The following MLLT6 variants were observed in gnomAD, a reference collection of about 807,000 sequenced individuals.
MLLT6 encodes MLLT6, PHD finger containing.
A neutral mutation model predicts 103.0 loss-of-function variants in MLLT6; 22 were observed. The ratio of observed to expected loss-of-function variants is 0.21; its 90% confidence interval spans 0.15 to 0.31. The LOEUF (loss-of-function observed/expected upper bound fraction) is 0.31. Ranked by LOEUF, MLLT6 falls within the 10% of genes least tolerant of loss-of-function variation. MLLT6 has a pLI of 1.00. For synonymous variants in MLLT6, 606 were observed against 623.5 expected (o/e 0.97, Z 0.42); for missense variants, 1,199 against 1,441.7 (o/e 0.83, Z 2.73).
At chr17:38,722,534 G>A (rs560660383) in intron 17 of MLLT6, 144 bp from the exon 18 acceptor site, 39 of 643,474 alleles carry the variant, frequency 6.1e-5, no homozygotes, top group African/African-American at 3.6e-5. Flanking sequence ...CTATGAGCAC[G>A]GTGCTCTAAG....
intron 10 of MLLT6, 80 bp from the exon 11 acceptor site, chr17:38,717,351 GA>G (rs1249776694): frequency 3.4e-6 from 4 of 1,162,810 alleles, no homozygotes; most frequent in African/African-American, 1.5e-5. Flanking sequence ...TCGAGCTGGG[GA>G]GGGGCTGTCA....
chr17:38,706,558 C>T (rs1174864200), intron 1 of MLLT6: 1 of 172,896 alleles, frequency 5.8e-6, no homozygotes, highest in Non-Finnish European at 1.2e-5. Flanking sequence ...CTCACTGGCC[C>T]TTTAAGAAAT....
rs768688692 is a variant in MLLT6 at position 38,719,655 on chromosome 17, C to A, written c.2009+72C>A. The A allele has an allele frequency of 1.9e-6, 3 of 1,565,326 alleles. 1 individual carries two copies. In the South Asian group the frequency reaches 3.6e-5, roughly 19 times the overall value. On this transcript the variant is annotated intron_variant, in intron 13 of 19. Transcript: ENST00000621332. The stretch of plus-strand genomic sequence containing the variant: ...ACCCGAGGGAGGAGGGACGGAGAGA[C>A]CGGCGTGGGCTGGAACCCCTGGGGG...
At position 38,729,183 on chromosome 17, in the gene MLLT6, T is replaced by C; in HGVS notation, c.*3585T>C. On this transcript the variant is annotated 3_prime_UTR_variant, in exon 20 of 20. Transcript: ENST00000621332. Reference sequence around the variant, plus strand: ...AAAGGCACAGGCTCCCCCTGCCAGCTTCTAGGATCTTCCTTGGTGTGCAAT... The same window carrying C: ...AAAGGCACAGGCTCCCCCTGCCAGCCTCTAGGATCTTCCTTGGTGTGCAAT... The C allele has an allele frequency of 4.3e-6, 1 of 233,328 alleles. No individual in the cohort carries two copies. Among genetic ancestry groups the C allele is most frequent in the Non-Finnish European group, 8.5e-6 (1 of 118,062 alleles). The allele number at this position is 233,328 out of a possible 1,614,324, so 14.5% of individuals were successfully genotyped here.
At chr17:38,712,651 A>T in intron 7 of MLLT6, 40 bp from the exon 8 acceptor site, 1 of 1,350,134 alleles carries the variant, frequency 7.4e-7, no homozygotes, top group Non-Finnish European at 1.1e-6. Context: ...TCGCCCAGAC[A>T]GCCCCCCAGC....
Position 38,720,512 on chromosome 17 carries a change from G to A in MLLT6, c.2296G>A (p.Ala766Thr). ...QLSVPFPALPAALPAANGPVP... is the reference protein window; with the variant it reads ...QLSVPFPALPTALPAANGPVP... Reference sequence around the variant, plus strand: ...CTCTGTGCCCTTCCCTGCCCTGCCTGCTGCCCTGCCTGCCGCCAACGGCCC... The same window carrying A: ...CTCTGTGCCCTTCCCTGCCCTGCCTACTGCCCTGCCTGCCGCCAACGGCCC... The change falls in exon 15 of 20, where the codon GCT (alanine) becomes ACT (threonine). Residue 766 changes from alanine (A) to threonine (T), a missense_variant. Physicochemically the swap from Ala to Thr is moderately conservative, Grantham distance 58 (BLOSUM62 0). Transcript: ENST00000621332. 1 of 1,612,228 alleles carries A rather than the reference G, an allele frequency of 6.2e-7. No homozygotes were observed. Among genetic ancestry groups the A allele is most frequent in the Non-Finnish European group, 8.5e-7 (1 of 1,179,624 alleles).
chr17:38,725,510 G>A (rs1905976871), intron 19 of MLLT6, 47 bp from the exon 20 acceptor site: 1 of 1,576,024 alleles, frequency 6.3e-7, no homozygotes, highest in Non-Finnish European at 8.7e-7. Context: ...CTGGGGGTTA[G>A]GACCTGACAC....
At position 38,716,763 on chromosome 17, in the gene MLLT6, C is replaced by T. The variant is rs1234125648; in HGVS notation, c.1433C>T (p.Pro478Leu). 1 of 1,609,314 alleles carries T rather than the reference C, an allele frequency of 6.2e-7. No homozygotes were observed. The highest frequency in any genetic ancestry group is 1.7e-5 in the Admixed American group (1 of 59,170). ...GCCAGCAAGAGGAGCCGCCATGGGCCAGGCCGTCCCAAGGGCAGCCGGAAC... is the reference window on the plus strand; with the variant it reads ...GCCAGCAAGAGGAGCCGCCATGGGCTAGGCCGTCCCAAGGGCAGCCGGAAC... ...HKASKRSRHG[P>L]GRPKGSRNKE... Residue 478 changes from proline (P) to leucine (L), a missense_variant, in exon 10 of 20, where the codon CCA becomes CTA. Pro to Leu is a moderately conservative substitution (Grantham distance 98). Around this residue, in one of 7 missense-constraint regions of MLLT6, gnomAD observed 1,034 missense variants for 1,091.5 expected, o/e 0.95. Transcript: ENST00000621332. This position sits in a 1 kb window ranked among gnomAD's most constrained non-coding sequence, Gnocchi z 5.6.
Position 38,705,441 on chromosome 17 carries a change from A to C in MLLT6, c.-192A>C. 4.9e-6 allele frequency: 2 copies of C among 404,078 alleles called. No homozygotes were observed. The highest frequency in any genetic ancestry group is 4.5e-6 in the Non-Finnish European group (1 of 221,980). The allele number at this position is 404,078 out of a possible 1,614,324, so 25.0% of individuals were successfully genotyped here. On this transcript the variant is annotated 5_prime_UTR_variant, in exon 1 of 20. Coordinates refer to ENST00000621332, the MANE Select transcript of MLLT6 (RefSeq NM_005937.4). ...CACGGCGGGGGGGGCGGCCAGACAG[A>C]GCGAGCGAGGAGGAGGAGGAGGAGG...
In MLLT6 at chr17:38,727,220, C is replaced by G. The variant is rs1482852041; in HGVS notation, c.*1622C>G. 1 of 227,174 alleles carries G rather than the reference C, an allele frequency of 4.4e-6. No individual in the cohort carries two copies. Among genetic ancestry groups the G allele is most frequent in the Admixed American group, 5.8e-5 (1 of 17,224 alleles). 14.1% of individuals were successfully genotyped at this position (227,174 alleles called of 1,614,324 possible). A position where few individuals can be genotyped will look rare whatever the true frequency, so the allele number is the denominator to read the frequency against. On this transcript the variant is annotated 3_prime_UTR_variant, in exon 20 of 20. Transcript: ENST00000621332. Reference sequence around the variant, plus strand: ...TAGTGCAGATATATTTTTGCCTGTGCTGCTCAACTGTTTTTTTTTTCTGAT... The same window carrying G: ...TAGTGCAGATATATTTTTGCCTGTGGTGCTCAACTGTTTTTTTTTTCTGAT...
chr17:38,725,007 C>A, intron 19 of MLLT6, 31 bp downstream of exon 19: 2 of 1,399,572 alleles, frequency 1.4e-6, no homozygotes, highest in Non-Finnish European at 1.9e-6. Context: ...CTTCCTGCCT[C>A]CCCTCTGAGG....
At position 38,711,977 on chromosome 17, in the gene MLLT6, A is replaced by G. The variant is rs769052102; in HGVS notation, c.683A>G (p.Glu228Gly). The change falls in exon 7 of 20, where the codon GAG becomes GGG. Residue 228 changes from glutamate to glycine, a missense_variant. By Grantham distance (98) the Glu-to-Gly change is moderately conservative. Around this residue, in one of 7 missense-constraint regions of MLLT6, gnomAD observed 1,034 missense variants for 1,091.5 expected, o/e 0.95. Coordinates refer to ENST00000621332, the MANE Select transcript of MLLT6 (RefSeq NM_005937.4). ...SRSASPSTQQ[E>G]KHPTHHERGQ... ...TCAGCCTCACCATCCACGCAGCAGG[A>G]GAAGCACCCCACCCACCACGAGAGG... 1 of 1,606,108 alleles carries G rather than the reference A, an allele frequency of 6.2e-7. No individual in the cohort carries two copies. Among genetic ancestry groups the G allele is most frequent in the Non-Finnish European group, 8.5e-7 (1 of 1,175,432 alleles).
chr17:38,716,739 C>T lies in MLLT6; in HGVS notation c.1409C>T (p.Ala470Val), dbSNP rs376162450. The change falls in exon 10 of 20, where the codon GCC becomes GTC. Residue 470 changes from alanine (A) to valine (V), a missense_variant. Transcript: ENST00000621332. The surrounding 1 kb of genome is among the most constrained non-coding windows in gnomAD (Gnocchi z 5.6). Reference sequence around the variant, plus strand: ...GGCCTGAAGGAGAAGAAGCACAAAGCCAGCAAGAGGAGCCGCCATGGGCCA... The same window carrying T: ...GGCCTGAAGGAGAAGAAGCACAAAGTCAGCAAGAGGAGCCGCCATGGGCCA... ...ETGLKEKKHK[A>V]SKRSRHGPGR... The T allele has an allele frequency of 3.7e-6, 6 of 1,608,838 alleles. No homozygotes were observed. Among genetic ancestry groups the T allele is most frequent in the Non-Finnish European group, 4.2e-6 (5 of 1,177,906 alleles).
rs758989161 is a variant in MLLT6 at position 38,705,620 on chromosome 17, AG to A, written c.-12del. The A allele has an allele frequency of 9.3e-7, 1 of 1,070,968 alleles. No homozygotes were observed. Among genetic ancestry groups the A allele is most frequent in the South Asian group, 1.3e-5 (1 of 75,830 alleles). The allele number at this position is 1,070,968 out of a possible 1,614,324, so 66.3% of individuals were successfully genotyped here. ...GGCCCCCCGCCCCAGCCCCGGAGGGAGCTCATGGGAGTATGAAGGAGATGGT... is the reference window on the plus strand; with the variant it reads ...GGCCCCCCGCCCCAGCCCCGGAGGGACTCATGGGAGTATGAAGGAGATGGT... On this transcript the variant is annotated 5_prime_UTR_variant, in exon 1 of 20. Coordinates refer to ENST00000621332, the MANE Select transcript of MLLT6 (RefSeq NM_005937.4).
Position 38,719,531 on chromosome 17 carries a change from G to A in MLLT6, c.1957G>A (p.Asp653Asn). Residue 653 changes from aspartate to asparagine, a missense_variant, in exon 13 of 20, where the codon GAC becomes AAC. Asp to Asn is a conservative substitution (Grantham distance 23, BLOSUM62 1). Transcript: ENST00000621332. Reference protein sequence around the residue: ...ESSHTEPDLEDCSFRCRGTSP... With the variant: ...ESSHTEPDLENCSFRCRGTSP... ...CTTCTTCCAAGAGCCAGACCTGGAG[G>A]ACTGCAGCTTCCGGTGTCGGGGGAC... 6.2e-7 allele frequency: 1 copy of A among 1,611,376 alleles called. No homozygotes were observed. The highest frequency in any genetic ancestry group is 1.1e-5 in the South Asian group (1 of 90,218).
intron 14 of MLLT6, 135 bp downstream of exon 14, chr17:38,720,030 C>T (rs1012136039): frequency 1.2e-5 from 15 of 1,250,506 alleles, no homozygotes; most frequent in African/African-American, 1.1e-4. Context: ...CACCCCGGGC[C>T]TCACCTCCCA....
At position 38,726,354 on chromosome 17, in the gene MLLT6, AGTGTGTGTGTGCGTGCATGTGT is replaced by A. The variant is rs1359169132; in HGVS notation, c.*768_*789del. ...ATGGAGCTGCCCGTCTCAGTGTGTG[AGTGTGTGTGTGCGTGCATGTGT>A]GTGTGTGTGTGTGTGTGTGTGTGTG... is the stretch of plus-strand genomic sequence containing the variant. On this transcript the variant is annotated 3_prime_UTR_variant, in exon 20 of 20. Transcript: ENST00000621332. 5.4e-5 allele frequency: 12 copies of A among 222,704 alleles called. No individual in the cohort carries two copies. The highest frequency in any genetic ancestry group is 9.6e-5 in the African/African-American group (4 of 41,858). The allele number at this position is 222,704 out of a possible 1,614,324, so 13.8% of individuals were successfully genotyped here. A position where few individuals can be genotyped will look rare whatever the true frequency, so the allele number is the denominator to read the frequency against.
chr17:38,711,037 G>T (rs992528547), intron 6 of MLLT6, among the ~76,000 whole-genome samples: 1 of 152,190 alleles, frequency 6.6e-6, no homozygotes, highest in Admixed American at 6.5e-5. Context: ...GAAAGAGGGG[G>T]CCTTGCAGGG....
chr17:38,708,101 C>A (rs1188683029), intron 4 of MLLT6: 4 of 561,764 alleles, frequency 7.1e-6, no homozygotes, highest in Non-Finnish European at 1.3e-5. Context: ...AGAGGGTAGA[C>A]CTTCGCAGTT....
Sources: allele counts gnomAD v4.1 joint callset (sites outside exome capture counted in the v4.1 genomes callset), GRCh38; gene constraint gnomAD v4.1.1; regional missense constraint gnomAD v4.1.1; non-coding constraint Gnocchi (gnomAD v3.1); transcripts MANE v1.5; gene names NCBI Gene and HGNC (gene_info 2026-07-23, HGNC 2026-07-21).